The following ADGRG2 variants were observed in gnomAD, a reference collection of about 807,000 sequenced individuals.
ADGRG2 encodes the protein G protein-coupled receptor 64.
Under a neutral mutation model 74.1 loss-of-function variants are expected in ADGRG2, and 26 were observed. That is an observed-to-expected ratio of 0.35 (90% CI 0.26 to 0.49). The LOEUF (loss-of-function observed/expected upper bound fraction) is 0.49, where lower values mean the gene tolerates loss of function less well. Ranked by LOEUF, ADGRG2 falls within the 20% of genes least tolerant of loss-of-function variation. ADGRG2 has a pLI of 0.99. For synonymous variants in ADGRG2, 296 were observed against 295.2 expected (o/e 1.00, Z -0.03); for missense variants, 619 against 763.1 (o/e 0.81, Z 2.22).
At chrX:19,109,094 C>CA (rs2087605997) in intron 1 of ADGRG2, among the ~76,000 whole-genome samples, 1 of 110,782 alleles carries the variant, frequency 9.0e-6, no homozygotes, top group Admixed American at 9.7e-5. Flanking sequence ...TAAATATGTC[C>CA]ATGAAATACT....
At chrX:19,054,456 G>A (rs2061377956) in intron 3 of ADGRG2, among the ~76,000 whole-genome samples, 1 of 111,686 alleles carries the variant, frequency 9.0e-6, no homozygotes, top group Non-Finnish European at 1.9e-5. Flanking sequence ...CAATCATAAT[G>A]TGGGTTTATG....
intron 11 of ADGRG2, among the ~76,000 whole-genome samples, chrX:19,026,323 A>T (rs145596652): frequency 8.9e-6 from 1 of 112,470 alleles, no homozygotes; most frequent in East Asian, 2.8e-4. Context: ...CTCATTTGTG[A>T]GGCAGTAGCA....
intron 23 of ADGRG2, 62 bp from the exon 24 acceptor site, chrX:19,003,176 T>C (rs910212821): frequency 1.4e-5 from 13 of 960,245 alleles, no homozygotes; most frequent in Non-Finnish European, 1.8e-5. Context: ...CAACTTTTTT[T>C]TGGTTTAAGA....
intron 3 of ADGRG2, among the ~76,000 whole-genome samples, chrX:19,050,834 AG>A (rs1352313216): frequency 1.8e-5 from 2 of 112,102 alleles, no homozygotes; most frequent in Non-Finnish European, 3.8e-5. Flanking sequence ...TGTGAAAAGA[AG>A]ATGGATGGAG....
intron 13 of ADGRG2, among the ~76,000 whole-genome samples, chrX:19,022,104 A>G (rs931203321): frequency 2.3e-4 from 25 of 110,452 alleles, no homozygotes; most frequent in African/African-American, 7.9e-4. Flanking sequence ...TCTCTACTAA[A>G]AATACAAAAA....
chrX:19,078,288 A>G (rs1191986812), intron 2 of ADGRG2, among the ~76,000 whole-genome samples: 1 of 112,119 alleles, frequency 8.9e-6, no homozygotes, highest in East Asian at 2.8e-4. Context: ...GGTGGCTCAC[A>G]CCTGTAATCC....
chrX:18,998,979 G>A lies in ADGRG2; in HGVS notation c.2614+17C>T, dbSNP rs199587661. 25 of 1,141,616 alleles carry A rather than the reference G, an allele frequency of 2.2e-5. No homozygotes were observed. The highest frequency in any genetic ancestry group is 2.8e-5 in the Non-Finnish European group (24 of 844,473). 94.1% of individuals were successfully genotyped at this position (1,141,616 alleles called of 1,213,427 possible). On this transcript the variant is annotated intron_variant, in intron 26 of 28. Coordinates refer to ENST00000379869, the MANE Select transcript of ADGRG2 (RefSeq NM_001079858.3). Reference sequence around the variant, plus strand: ...AACTGGGATCATTCAGTTTGTATTTGATGCTGTAAAGCTTACCTTGTAAGG... The same window carrying A: ...AACTGGGATCATTCAGTTTGTATTTAATGCTGTAAAGCTTACCTTGTAAGG...
chrX:18,995,420 T>C (rs915478539), intron 27 of ADGRG2, among the ~76,000 whole-genome samples: 7 of 111,771 alleles, frequency 6.3e-5, no homozygotes, highest in Non-Finnish European at 3.8e-5. Flanking sequence ...GATTGAACTA[T>C]GTGTACTGCC....
At chrX:19,066,289 T>C (rs995582232) in intron 3 of ADGRG2, among the ~76,000 whole-genome samples, 2 of 111,424 alleles carry the variant, frequency 1.8e-5, no homozygotes, top group African/African-American at 6.5e-5. Context: ...TATTTGTTTG[T>C]ATGTTTTGTT....
chrX:19,039,347 A>G (rs1601959956), intron 4 of ADGRG2: 1 of 329,649 alleles, frequency 3.0e-6, no homozygotes, highest in Admixed American at 3.1e-5. Context: ...GAAGGCTTCC[A>G]GATACATAGT....
intron 25 of ADGRG2, 83 bp from the exon 26 acceptor site, chrX:18,999,362 A>G: frequency 3.6e-6 from 3 of 838,941 alleles, no homozygotes; most frequent in Non-Finnish European, 3.4e-6. Flanking sequence ...TGAATCTCTA[A>G]CATTTTACTG....
At chrX:19,017,424 TGACCC>T (rs2060491839) in intron 15 of ADGRG2, among the ~76,000 whole-genome samples, 1 of 111,863 alleles carries the variant, frequency 8.9e-6, no homozygotes, top group Non-Finnish European at 1.9e-5. Flanking sequence ...TTTCACATCC[TGACCC>T]CTTTTCTATT....
chrX:19,024,287 C>T (rs1241876371), intron 11 of ADGRG2, among the ~76,000 whole-genome samples: 2 of 111,016 alleles, frequency 1.8e-5, no homozygotes, highest in African/African-American at 3.3e-5. Flanking sequence ...CAAAAATTTT[C>T]GAGAGGGGCA....
chrX:19,041,099 A>G (rs1354722617), intron 3 of ADGRG2, among the ~76,000 whole-genome samples: 1 of 111,624 alleles, frequency 9.0e-6, no homozygotes, highest in Non-Finnish European at 1.9e-5. Flanking sequence ...TCTCATGACA[A>G]TATATCATGA....
rs778791249 is a variant in ADGRG2, at chrX:19,037,675, G to C, written c.155-39C>G. On this transcript the variant is annotated intron_variant, in intron 4 of 28. Coordinates refer to ENST00000379869, the MANE Select transcript of ADGRG2 (RefSeq NM_001079858.3). ...AAAAATTAAATCAATATTTTGAAAC[G>C]ATTATTTGTCAAATTTTAAAGAATT... The C allele has an allele frequency of 1.3e-5, 12 of 920,843 alleles. No homozygotes were observed. In the African/African-American group the frequency reaches 2.2e-4, roughly 17 times the overall value. The allele number at this position is 920,843 out of a possible 1,213,427, so 75.9% of individuals were successfully genotyped here.
At chrX:19,006,804 G>C (rs966033551) in intron 20 of ADGRG2, among the ~76,000 whole-genome samples, 7 of 93,080 alleles carry the variant, frequency 7.5e-5, no homozygotes, top group African/African-American at 2.7e-4. Context: ...TGTCACCCAA[G>C]CTGGAATGCA....
At chrX:19,105,032 G>C (rs1260941228) in intron 1 of ADGRG2, among the ~76,000 whole-genome samples, 2 of 106,054 alleles carry the variant, frequency 1.9e-5, no homozygotes, top group South Asian at 4.2e-4. Flanking sequence ...CCAGGAGTTC[G>C]AGACCAGCCT....
At chrX:19,031,438 T>A (rs1363170795) in intron 8 of ADGRG2, 1 of 125,991 alleles carries the variant, frequency 7.9e-6, no homozygotes, top group Admixed American at 9.0e-5. Context: ...AACACTCTAA[T>A]GTTAATCCTA....
intron 15 of ADGRG2, among the ~76,000 whole-genome samples, chrX:19,018,021 A>G (rs1324131415): frequency 8.9e-6 from 1 of 111,803 alleles, no homozygotes; most frequent in Non-Finnish European, 1.9e-5. Flanking sequence ...GCTGTTTTGG[A>G]GCACCCATCT....
Sources: gnomAD v4.1 joint callset for allele counts (sites outside exome capture counted in the v4.1 genomes callset) on GRCh38, gnomAD v4.1.1 for gene constraint, MANE v1.5 for transcripts, NCBI Gene and HGNC (gene_info 2026-07-23, HGNC 2026-07-21) for gene names.